Variants in CTBP2 observed in about 807,000 individuals in gnomAD.
The protein encoded by CTBP2 is C-terminal-binding protein 2.
A neutral mutation model predicts 80.3 loss-of-function variants in CTBP2; 30 were observed. The observed-to-expected ratio is 0.37, with a 90% CI of 0.28 to 0.51. CTBP2 has a LOEUF of 0.51. CTBP2 is among the 20% of genes least tolerant of loss of function. The pLI is 0.93. For missense variants in CTBP2, 1,212 were observed against 1,375.3 expected, an observed-to-expected ratio of 0.88 and a Z score of 1.88; for synonymous variants, 594 against 587.4, an observed-to-expected ratio of 1.01 and a Z score of -0.16.
chr10:125,137,442 C>T (rs1260505079), intron 1 of CTBP2, among the ~76,000 whole-genome samples: 1 of 152,168 alleles, frequency 6.6e-6, no homozygotes, highest in African/African-American at 2.4e-5. Flanking sequence ...CAGTTCCCTC[C>T]AAGGATGGTG....
chr10:125,005,419 C>T (rs1955104269), intron 1 of CTBP2: 2 of 909,082 alleles, frequency 2.2e-6, no homozygotes, highest in South Asian at 1.7e-5. Flanking sequence ...GCTGCTGCCC[C>T]GACACCCAGG....
At chr10:125,003,255 A>T (rs1424683612) in intron 2 of CTBP2, 83 bp downstream of exon 4, 1 of 1,588,014 alleles carries the variant, frequency 6.3e-7, no homozygotes, top group African/African-American at 1.4e-5. Context: ...CCTGCCGGTG[A>T]CTTGGGGCGA....
intron 3 of CTBP2, chr10:124,998,460 C>CT (rs1189342704): frequency 2.4e-5 from 11 of 458,412 alleles, no homozygotes; most frequent in Non-Finnish European, 4.0e-5. Flanking sequence ...GACTGGCTTC[C>CT]TCCTGGGCTT....
chr10:125,078,779 T>A (rs988779837), intron 2 of CTBP2, among the ~76,000 whole-genome samples: 7 of 152,104 alleles, frequency 4.6e-5, no homozygotes, highest in Non-Finnish European at 1.0e-4. Context: ...CCAATAATAA[T>A]GTTCTTTCTT....
At chr10:125,073,619 A>G (rs1402291338) in intron 2 of CTBP2, among the ~76,000 whole-genome samples, 1 of 152,266 alleles carries the variant, frequency 6.6e-6, no homozygotes, top group Non-Finnish European at 1.5e-5. Context: ...ACCGATTTGT[A>G]CGTGGCAAAC....
At position 125,026,500 on chromosome 10, in the gene CTBP2, G is replaced by A. The variant is rs752915101; in HGVS notation, c.1260C>T (p.Thr420=). 1 of 1,601,862 alleles carries A rather than the reference G, an allele frequency of 6.2e-7. No individual in the cohort carries two copies. Among genetic ancestry groups the A allele is most frequent in the African/African-American group, 1.3e-5 (1 of 74,826 alleles). ...GGGTGCCCACGCCAGGGGCAGAATA[G>A]GTGGCTGCCGTCTCCAGGAGGTGCT... Residue 420 remains threonine, a synonymous_variant, in exon 1 of 9, where the codon ACC becomes ACT. Transcript: ENST00000309035.
intron 2 of CTBP2, among the ~76,000 whole-genome samples, chr10:125,051,807 C>T (rs199801275): frequency 6.6e-6 from 1 of 152,266 alleles, no homozygotes; most frequent in East Asian, 1.9e-4. Context: ...AAGGTCGTTA[C>T]AGCGGCAATC....
chr10:125,054,258 A>G (rs7899537), intron 2 of CTBP2, among the ~76,000 whole-genome samples: 3,893 of 152,288 alleles, frequency 0.026, 179 homozygotes, highest in African/African-American at 0.09. Context: ...AACAAACAGT[A>G]AACAGTATAC....
At chr10:125,033,454 C>T (rs1415467216) in intron 3 of CTBP2, among the ~76,000 whole-genome samples, 1 of 43,166 alleles carries the variant, frequency 2.3e-5, no homozygotes, top group African/African-American at 3.8e-5. Context: ...AGTCTCATTT[C>T]ACAGCTTTAA....
chr10:124,995,087 T>G (rs902733673), intron 4 of CTBP2, among the ~76,000 whole-genome samples: 28 of 152,316 alleles, frequency 1.8e-4, no homozygotes, highest in African/African-American at 6.5e-4. Context: ...GAGCTTTGTG[T>G]TTGAAAAACT....
At chr10:125,132,072 C>A (rs1856276843) in intron 1 of CTBP2, among the ~76,000 whole-genome samples, 1 of 152,156 alleles carries the variant, frequency 6.6e-6, no homozygotes, top group African/African-American at 2.4e-5. Context: ...GATGATCTGA[C>A]CACTGAATCA....
At chr10:125,060,965 T>C (rs1964861226) in intron 2 of CTBP2, among the ~76,000 whole-genome samples, 1 of 152,188 alleles carries the variant, frequency 6.6e-6, no homozygotes, top group Non-Finnish European at 1.5e-5. Flanking sequence ...AATCTTCCGG[T>C]CGGCCCCAGG....
In CTBP2 at chr10:125,027,610, C is replaced by A. The variant is rs1957781752; in HGVS notation, c.150G>T (p.Trp50Cys). Residue 50 changes from tryptophan (W) to cysteine (C), a missense_variant, in exon 1 of 9, where the codon TGG (tryptophan) becomes TGT (cysteine). This residue lies in a region of CTBP2 where 848 missense variants were observed against 782.3 expected (regional missense o/e 1.08). Coordinates refer to ENST00000309035, the MANE Select transcript of CTBP2 (RefSeq NM_022802.3). ...CCTGTGGTCGGTGGTTTGGCTCAAACCAAGTCCCCTCTGCTGTGCCATACG... is the reference window on the plus strand; with the variant it reads ...CCTGTGGTCGGTGGTTTGGCTCAAAACAAGTCCCCTCTGCTGTGCCATACG... 3 of 1,613,964 alleles carry A rather than the reference C, an allele frequency of 1.9e-6. No individual in the cohort carries two copies. The highest frequency in any genetic ancestry group is 2.5e-6 in the Non-Finnish European group (3 of 1,180,032).
intron 1 of CTBP2, among the ~76,000 whole-genome samples, chr10:125,010,038 G>A (rs946908484): frequency 9.2e-5 from 14 of 152,090 alleles, no homozygotes; most frequent in Admixed American, 1.3e-4. Context: ...CCCAGCAGCC[G>A]GGAAGGTGCC....
chr10:125,048,897 C>A (rs898168811), intron 2 of CTBP2, among the ~76,000 whole-genome samples: 12 of 152,170 alleles, frequency 7.9e-5, no homozygotes, highest in African/African-American at 2.9e-4. Flanking sequence ...TGCTGTGAGA[C>A]AAGTATGATC....
At chr10:125,025,522 C>T (rs1432636654) in intron 1 of CTBP2, among the ~76,000 whole-genome samples, 2 of 152,224 alleles carry the variant, frequency 1.3e-5, no homozygotes, top group Non-Finnish European at 2.9e-5. Context: ...ATTTCAACAT[C>T]TTGCTTTGTT....
intron 2 of CTBP2, among the ~76,000 whole-genome samples, chr10:125,046,633 G>C (rs1051851383): frequency 6.6e-6 from 1 of 151,680 alleles, no homozygotes; most frequent in African/African-American, 2.4e-5. Context: ...ACATTCTTAG[G>C]GGCTTTGAAA....
chr10:125,021,315 T>C (rs1957017125), intron 1 of CTBP2, among the ~76,000 whole-genome samples: 1 of 151,978 alleles, frequency 6.6e-6, no homozygotes, highest in Non-Finnish European at 1.5e-5. Context: ...TTGACAGACA[T>C]GGAAATAGAA....
rs759810385 is a variant in CTBP2, at chr10:124,984,941, G to A, written c.*4577C>T. The A allele has an allele frequency of 1.9e-6, 3 of 1,613,876 alleles. No individual in the cohort carries two copies. Among genetic ancestry groups the A allele is most frequent in the South Asian group, 1.1e-5 (1 of 91,060 alleles). On this transcript the variant is annotated 3_prime_UTR_variant, in exon 9 of 9. Transcript: ENST00000309035. Reference sequence around the variant, plus strand: ...TTGACCGCTACCGACAGATCCGGCCGTGTACATCCCTGTCTGATGGAGAGG... The same window carrying A: ...TTGACCGCTACCGACAGATCCGGCCATGTACATCCCTGTCTGATGGAGAGG...
Sources: gnomAD v4.1 joint callset for allele counts (sites outside exome capture counted in the v4.1 genomes callset) on GRCh38, gnomAD v4.1.1 for gene constraint, gnomAD v4.1.1 regional missense constraint, MANE v1.5 for transcripts, NCBI Gene and HGNC (gene_info 2026-07-23, HGNC 2026-07-21) for gene names.